The following AGO2 variants were observed in gnomAD, a reference collection of about 807,000 sequenced individuals.
AGO2 encodes the protein argonaute RISC catalytic component 2.
In AGO2, 5 loss-of-function variants were observed where a neutral mutation model predicts 102.3. That is an observed-to-expected ratio of 0.05 (90% CI 0.03 to 0.10). The LOEUF (loss-of-function observed/expected upper bound fraction) is 0.10. Among genes scored for constraint, AGO2 ranks in the 10% least tolerant of loss-of-function variants. The pLI is 1.00. For missense variants in AGO2, 541 were observed against 1,183.7 expected (o/e 0.46, Z 7.97); for synonymous variants, 449 against 473.1 (o/e 0.95, Z 0.66).
intron 6 of AGO2, among the ~76,000 whole-genome samples, chr8:140,558,934 C>T (rs537698850): frequency 2.6e-3 from 395 of 152,252 alleles, no homozygotes; most frequent in Non-Finnish European, 2.3e-3. Context: ...CAGGGGTGGG[C>T]CCCCCATTCT....
chr8:140,623,412 T>C (rs1193145408), intron 1 of AGO2, among the ~76,000 whole-genome samples: 2 of 152,152 alleles, frequency 1.3e-5, no homozygotes, highest in Non-Finnish European at 2.9e-5. Context: ...TTGTTCATCT[T>C]ACAATGGTTC....
intron 13 of AGO2, among the ~76,000 whole-genome samples, chr8:140,545,101 T>C (rs1359198302): frequency 6.6e-6 from 1 of 152,192 alleles, no homozygotes; most frequent in Non-Finnish European, 1.5e-5. Flanking sequence ...CCCTCGCCTC[T>C]GCTGCCCTCT....
At chr8:140,636,676 G>GAC (rs896922272), upstream of AGO2, 2 of 152,202 alleles carry the variant, frequency 1.3e-5, no homozygotes, top group African/African-American at 4.8e-5. Context: ...AGTCTCGGAG[G>GAC]ACAGCCCTGA....
chr8:140,584,627 T>TA (rs2073620447), intron 2 of AGO2, among the ~76,000 whole-genome samples: 1 of 152,172 alleles, frequency 6.6e-6, no homozygotes, highest in African/African-American at 2.4e-5. Context: ...AAATAGGCAA[T>TA]AGAGTATTTA....
At chr8:140,642,133 G>A in the AGO2 span, among the ~76,000 whole-genome samples, 1 of 152,240 alleles carries the variant, frequency 6.6e-6, no homozygotes, top group African/African-American at 2.4e-5. Flanking sequence ...CAAAACCTCT[G>A]CACAGAAATC....
At chr8:140,572,993 A>G in intron 2 of AGO2, 61 bp from the exon 3 acceptor site, 2 of 1,541,980 alleles carry the variant, frequency 1.3e-6, no homozygotes, top group South Asian at 1.2e-5. Flanking sequence ...GCATACAAGG[A>G]CATTTTTCTG....
intron 17 of AGO2, 104 bp from the exon 18 acceptor site, chr8:140,532,719 G>A (rs2072619602): frequency 7.9e-7 from 1 of 1,263,654 alleles, no homozygotes; most frequent in Non-Finnish European, 1.1e-6. Context: ...ATCATAGTCT[G>A]GACACGGAGG....
Position 140,555,896 on chromosome 8 carries a change from C to T in AGO2, c.1269G>A (p.Arg423=), listed in dbSNP as rs1328688528. ...LQPPSILYGG[R]NKAIATPVQG... ...ACGTTCCCCGCCGCCCCACACGTAC[C>T]CTGCCCCCGTAGAGGATGGAGGGCG... Residue 423 remains arginine (R), a splice_region_variant and synonymous_variant, in exon 10 of 19, where the codon AGG becomes AGA. Transcript: ENST00000220592. 3 of 1,613,304 alleles carry T rather than the reference C, an allele frequency of 1.9e-6. No homozygotes were observed. Among genetic ancestry groups the T allele is most frequent in the African/African-American group, 1.3e-5 (1 of 74,934 alleles).
At chr8:140,551,606 AGGATC>A (rs2072996225) in intron 10 of AGO2, among the ~76,000 whole-genome samples, 170 bp from the exon 11 acceptor site, 2 of 103,230 alleles carry the variant, frequency 1.9e-5, no homozygotes, top group Admixed American at 2.1e-4. Flanking sequence ...GACAACTGAC[AGGATC>A]GGTAGATGGA....
rs2072557127 is a variant in AGO2, at chr8:140,529,669, C to T, written c.*2375G>A. 6.6e-6 allele frequency: 1 copy of T among 152,204 alleles called. No individual in the cohort carries two copies. Among genetic ancestry groups the T allele is most frequent in the Admixed American group, 6.5e-5 (1 of 15,282 alleles). The allele number at this position is 152,204 out of a possible 1,614,324, so 9.4% of individuals were successfully genotyped here. ...GCATCTGCTCAGGAAGCACCTCCTC[C>T]CTGCTGGGTGCCACCAGAGCTGGGT... On this transcript the variant is annotated 3_prime_UTR_variant, in exon 19 of 19. Transcript: ENST00000220592.
the AGO2 span, among the ~76,000 whole-genome samples, chr8:140,642,120 G>A: frequency 1.3e-5 from 2 of 152,116 alleles, no homozygotes; most frequent in African/African-American, 4.8e-5. Context: ...AAATAAAGAT[G>A]TACAAAACCT....
intron 15 of AGO2, 38 bp downstream of exon 15, chr8:140,541,126 C>A: frequency 4.0e-6 from 6 of 1,506,684 alleles, no homozygotes; most frequent in Non-Finnish European, 5.3e-6. Flanking sequence ...AATTACAGAC[C>A]CCAGAGAAGG....
intron 13 of AGO2, among the ~76,000 whole-genome samples, chr8:140,546,493 G>A (rs367791103): frequency 6.6e-6 from 1 of 152,350 alleles, no homozygotes; most frequent in East Asian, 1.9e-4. Context: ...CACAGCAGGG[G>A]CTCACCACCG....
intron 1 of AGO2, among the ~76,000 whole-genome samples, chr8:140,629,030 G>A (rs1318287702): frequency 6.6e-6 from 1 of 152,180 alleles, no homozygotes; most frequent in East Asian, 1.9e-4. Context: ...GGCGGAGGTT[G>A]CAGTGGGTCG....
chr8:140,603,740 G>A (rs1006283938), intron 1 of AGO2, among the ~76,000 whole-genome samples: 2 of 152,246 alleles, frequency 1.3e-5, no homozygotes, highest in African/African-American at 4.8e-5. Context: ...CTCAAGAGGG[G>A]CTTGCTCCAG....
At chr8:140,583,085 A>G (rs1199867967) in intron 2 of AGO2, among the ~76,000 whole-genome samples, 1 of 152,164 alleles carries the variant, frequency 6.6e-6, no homozygotes, top group East Asian at 1.9e-4. Flanking sequence ...AAAAAAGGAG[A>G]GAAAGAGTGA....
At position 140,522,199 on chromosome 8, in the gene AGO2, T is replaced by A. The variant is rs2072426234; in HGVS notation, c.*9845A>T. Reference sequence around the variant, plus strand: ...TAAAAGGCACAAATAAATAAAAATATCATTAAATAAACGGAAATTACAATT... The same window carrying A: ...TAAAAGGCACAAATAAATAAAAATAACATTAAATAAACGGAAATTACAATT... On this transcript the variant is annotated 3_prime_UTR_variant, in exon 19 of 19. Transcript: ENST00000220592. The A allele has an allele frequency of 6.6e-6, 1 of 152,158 alleles. No individual in the cohort carries two copies. Among genetic ancestry groups the A allele is most frequent in the Admixed American group, 6.5e-5 (1 of 15,268 alleles). The allele number at this position is 152,158 out of a possible 1,614,324, so 9.4% of individuals were successfully genotyped here. A position where few individuals can be genotyped will look rare whatever the true frequency, so the allele number is the denominator to read the frequency against.
chr8:140,539,947 C>T lies in AGO2; in HGVS notation c.2035-493G>A, dbSNP rs774968613. Among the ~76,000 whole-genome samples the T allele has an allele frequency of 1.3e-5, 2 of 152,034 alleles. No individual in the cohort carries two copies. The highest frequency in any genetic ancestry group is 2.9e-5 in the Non-Finnish European group (2 of 68,018). ...ACTAAAAATACAAAAATTAACTGGG[C>T]GTGGTGGTGGGCACCTGTCGTAATC... On this transcript the variant is annotated intron_variant, in intron 15 of 18. Transcript: ENST00000220592. The surrounding 1 kb of genome is among the most constrained non-coding windows in gnomAD (Gnocchi z 4.7).
intron 11 of AGO2, among the ~76,000 whole-genome samples, chr8:140,549,510 A>G (rs1324139771): frequency 6.6e-6 from 1 of 152,286 alleles, no homozygotes; most frequent in Non-Finnish European, 1.5e-5. Context: ...TGTGCTAAAC[A>G]TACATGTAAC....
Sources: allele counts gnomAD v4.1 joint callset (sites outside exome capture counted in the v4.1 genomes callset), GRCh38; gene constraint gnomAD v4.1.1; non-coding constraint Gnocchi (gnomAD v3.1); transcripts MANE v1.5; gene names NCBI Gene and HGNC (gene_info 2026-07-23, HGNC 2026-07-21).